DDX52: variants seen among roughly 807,000 people sequenced by gnomAD.
DDX52 encodes the protein probable ATP-dependent RNA helicase DDX52.
In DDX52, 59 loss-of-function variants were observed where a neutral mutation model predicts 76.1. The observed-to-expected ratio is 0.78, with a 90% CI of 0.63 to 0.96. DDX52 has a LOEUF of 0.96. DDX52 is among the 40% of genes least tolerant of loss of function. DDX52 has a pLI of 0.00. For missense variants in DDX52, 707 were observed against 703.9 expected, an observed-to-expected ratio of 1.00 and a Z score of -0.05; for synonymous variants, 231 against 244.1, an observed-to-expected ratio of 0.95 and a Z score of 0.50.
Position 37,630,169 on chromosome 17 carries a change from C to T in DDX52, c.608G>A (p.Arg203Gln), listed in dbSNP as rs143528861. 2.5e-4 allele frequency: 399 copies of T among 1,605,672 alleles called. 1 individual carries two copies. In the African/African-American group the frequency reaches 4.5e-3, roughly 18 times the overall value. ...MQAIPVMLHG[R>Q]ELLASAPTGS... ...AGTTGGAGCAGAAGCCAGAAGTTCC[C>T]GACCCTAAAAACATAGGGTATATTA... Residue 203 changes from arginine to glutamine, a missense_variant, in exon 5 of 15, where the codon CGG becomes CAG. Physicochemically the swap from Arg to Gln is conservative, Grantham distance 43. Transcript: ENST00000617633.
At chr17:37,615,797 C>T (rs142126741) in intron 14 of DDX52, among the ~76,000 whole-genome samples, 1,658 of 152,002 alleles carry the variant, frequency 0.011, 24 homozygotes, top group African/African-American at 0.038. Flanking sequence ...GGGCGGATCA[C>T]AAGGCCAGGA....
chr17:37,621,293 T>G lies in DDX52; in HGVS notation c.1351-16A>C. Reference sequence around the variant, plus strand: ...TGTTATCTCTCTGGTTAACAGAATATATATTAAATTGTTTTAGAATGAAAA... The same window carrying G: ...TGTTATCTCTCTGGTTAACAGAATAGATATTAAATTGTTTTAGAATGAAAA... On this transcript the variant is annotated splice_polypyrimidine_tract_variant and intron_variant, in intron 10 of 14. Coordinates refer to ENST00000617633, the MANE Select transcript of DDX52 (RefSeq NM_007010.5). 1 of 1,597,238 alleles carries G rather than the reference T, an allele frequency of 6.3e-7. No homozygotes were observed. The highest frequency in any genetic ancestry group is 1.1e-5 in the South Asian group (1 of 88,610).
At chr17:37,617,692 C>T (rs1430040421) in intron 14 of DDX52, among the ~76,000 whole-genome samples, 1 of 152,162 alleles carries the variant, frequency 6.6e-6, no homozygotes, top group Non-Finnish European at 1.5e-5. Context: ...TAACTATTGG[C>T]CTTAGTAGCA....
At chr17:37,633,176 T>G (rs2147360408) in intron 3 of DDX52, 112 bp downstream of exon 3, 1 of 1,197,398 alleles carries the variant, frequency 8.4e-7, no homozygotes, top group African/African-American at 1.6e-5. Context: ...GTAATTAACC[T>G]TCTATCTTAA....
chr17:37,623,631 C>T (rs966621697), intron 9 of DDX52, among the ~76,000 whole-genome samples: 4 of 152,182 alleles, frequency 2.6e-5, no homozygotes, highest in Non-Finnish European at 5.9e-5. Flanking sequence ...TGCTCTTCCC[C>T]TCCACGTTTT....
Position 37,614,100 on chromosome 17 carries a change from C to T in DDX52, c.*196G>A, listed in dbSNP as rs558377562. ...CAACATGGCAAGACCCTCATCTCTACAGGAAAAAAAAAAGGCACCTACAAA... is the reference window on the plus strand; with the variant it reads ...CAACATGGCAAGACCCTCATCTCTATAGGAAAAAAAAAAGGCACCTACAAA... On this transcript the variant is annotated 3_prime_UTR_variant, in exon 15 of 15. Transcript: ENST00000617633. The T allele has an allele frequency of 3.5e-6, 2 of 570,864 alleles. No individual in the cohort carries two copies. The highest frequency in any genetic ancestry group is 5.1e-5 in the South Asian group (2 of 39,112). The allele number at this position is 570,864 out of a possible 1,614,324, so 35.4% of individuals were successfully genotyped here. A position where few individuals can be genotyped will look rare whatever the true frequency, so the allele number is the denominator to read the frequency against.
chr17:37,622,676 C>T (rs2030165748), intron 9 of DDX52, among the ~76,000 whole-genome samples: 1 of 152,128 alleles, frequency 6.6e-6, no homozygotes, highest in Non-Finnish European at 1.5e-5. Context: ...TAAGTAACTA[C>T]TCATTCACAC....
At chr17:37,634,767 G>T (rs1212543179) in intron 2 of DDX52, among the ~76,000 whole-genome samples, 1 of 152,068 alleles carries the variant, frequency 6.6e-6, no homozygotes, top group Non-Finnish European at 1.5e-5. Context: ...GACTAGATCA[G>T]CTGACTTAAC....
intron 8 of DDX52, 131 bp downstream of exon 8, chr17:37,625,764 A>G: frequency 1.0e-6 from 1 of 980,870 alleles, no homozygotes; most frequent in Non-Finnish European, 1.5e-6. Flanking sequence ...GGCTTAAAAG[A>G]ACACATTTCA....
intron 4 of DDX52, chr17:37,631,325 A>G (rs777225752): frequency 1.3e-5 from 2 of 152,312 alleles, no homozygotes; most frequent in Non-Finnish European, 2.9e-5. Flanking sequence ...TATGTAATAC[A>G]GAAGAATCTC....
chr17:37,619,752 A>T lies in DDX52; in HGVS notation c.1649+16T>A, dbSNP rs989875698. Reference sequence around the variant, plus strand: ...CAAAGAGACAGACAAAGATACAGGTAAATTCAAGATTGTACCTTAGTAGTT... The same window carrying T: ...CAAAGAGACAGACAAAGATACAGGTTAATTCAAGATTGTACCTTAGTAGTT... On this transcript the variant is annotated intron_variant, in intron 13 of 14. Coordinates refer to ENST00000617633, the MANE Select transcript of DDX52 (RefSeq NM_007010.5). The T allele has an allele frequency of 6.2e-7, 1 of 1,602,036 alleles. No individual in the cohort carries two copies.
chr17:37,639,460 G>A, intron 2 of DDX52: 13 of 996,638 alleles, frequency 1.3e-5, no homozygotes, highest in Non-Finnish European at 1.6e-5. Context: ...ATGCCTGGCT[G>A]GGCGTGGTGG....
chr17:37,611,974 C>CAA lies in DDX52; in HGVS notation c.*2320_*2321dup, dbSNP rs201474558. The CAA allele has an allele frequency of 1.6e-5, 2 of 128,116 alleles. No homozygotes were observed. The highest frequency in any genetic ancestry group is 8.2e-5 in the Admixed American group (1 of 12,192). The allele number at this position is 128,116 out of a possible 1,614,324, so 7.9% of individuals were successfully genotyped here. A position where few individuals can be genotyped will look rare whatever the true frequency, so the allele number is the denominator to read the frequency against. On this transcript the variant is annotated 3_prime_UTR_variant, in exon 15 of 15. Coordinates refer to ENST00000617633, the MANE Select transcript of DDX52 (RefSeq NM_007010.5). ...TGTTTCTCAAAAAAAAAAAAAAAAA[C>CAA]AAAACAAAAAAACTCATAAAGTAAA...
Position 37,614,206 on chromosome 17 carries a change from G to A in DDX52, c.*90C>T. The A allele has an allele frequency of 1.5e-6, 2 of 1,305,620 alleles. No homozygotes were observed. The highest frequency in any genetic ancestry group is 2.3e-5 in the East Asian group (1 of 42,684). 80.9% of individuals were successfully genotyped at this position (1,305,620 alleles called of 1,614,324 possible). On this transcript the variant is annotated 3_prime_UTR_variant, in exon 15 of 15. Transcript: ENST00000617633. ...TTGATTTCAAATGTTTGGTACAGGT[G>A]ACTGTAAGACTTCAAGTATTCCATG...
intron 8 of DDX52, 54 bp from the exon 9 acceptor site, chr17:37,624,488 C>T: frequency 7.1e-7 from 1 of 1,400,316 alleles, no homozygotes; most frequent in Non-Finnish European, 9.6e-7. Context: ...GCTTTTTCCC[C>T]TGAACTCTAA....
In DDX52 at chr17:37,639,757, T is replaced by C. The variant is rs191654912; in HGVS notation, c.286+2353A>G. ...CTCAGTCTCAAAAAAAAAAAAAAAA[T>C]TGATACATGCCTACACATTTATCAT... On this transcript the variant is annotated intron_variant, in intron 2 of 14. Transcript: ENST00000617633. 2.9e-3 allele frequency among the ~76,000 whole-genome samples: 438 copies of C among 151,000 alleles called. 3 individuals are homozygous for C. The highest frequency in any genetic ancestry group is 0.01 in the African/African-American group (415 of 41,166).
intron 2 of DDX52, among the ~76,000 whole-genome samples, chr17:37,639,740 CAA>C (rs35776677): frequency 7.3e-4 from 79 of 108,602 alleles, no homozygotes; most frequent in Non-Finnish European, 1.0e-3. Flanking sequence ...GACTCAGTCT[CAA>C]AAAAAAAAAA....
rs2030773194 is a variant in DDX52, at chr17:37,633,352, T to C, written c.353A>G (p.Asp118Gly). The C allele has an allele frequency of 6.2e-7, 1 of 1,611,940 alleles. No individual in the cohort carries two copies. ...TTTACTTTCTCTCTGAACTTTTTTG[T>C]CTTCAATCTTTGCTTCTACAGATGA... is the stretch of plus-strand genomic sequence containing the variant. ...WMSSVEAKIE[D>G]KKVQRESKLT... The change falls in exon 3 of 15, where the codon GAC becomes GGC. Residue 118 changes from aspartate to glycine, a missense_variant. Physicochemically the swap from Asp to Gly is moderately conservative, Grantham distance 94 (BLOSUM62 -1). Transcript: ENST00000617633.
intron 2 of DDX52, among the ~76,000 whole-genome samples, chr17:37,638,109 G>T (rs2031015155): frequency 2.0e-5 from 3 of 152,194 alleles, no homozygotes; most frequent in Non-Finnish European, 4.4e-5. Context: ...GCTACCAAGA[G>T]GTGGAAGTGG....
Sources: gnomAD v4.1 joint callset for allele counts (sites outside exome capture counted in the v4.1 genomes callset) on GRCh38, gnomAD v4.1.1 for gene constraint, MANE v1.5 for transcripts, NCBI Gene and HGNC (gene_info 2026-07-23, HGNC 2026-07-21) for gene names.